NRG1: variants seen among roughly 807,000 people sequenced by gnomAD.
NRG1 encodes the protein neuregulin 1.
Under a neutral mutation model 63.8 loss-of-function variants are expected in NRG1, and 18 were observed. The ratio of observed to expected loss-of-function variants is 0.28; its 90% CI spans 0.19 to 0.42. NRG1 has a LOEUF of 0.42. Ranked by LOEUF, NRG1 falls within the 10% of genes least tolerant of loss-of-function variation. The pLI is 1.00. For synonymous variants in NRG1, 302 were observed against 301.3 expected, an observed-to-expected ratio of 1.00 and a Z score of -0.02; for missense variants, 762 against 814.7, an observed-to-expected ratio of 0.94 and a Z score of 0.79.
At chr8:32,445,044 A>C (rs1304171813) in intron 1 of NRG1, among the ~76,000 whole-genome samples, 3 of 152,196 alleles carry the variant, frequency 2.0e-5, no homozygotes, top group Non-Finnish European at 2.9e-5. Flanking sequence ...AGGCAATACC[A>C]AGATTGATCA....
intron 1 of NRG1, among the ~76,000 whole-genome samples, chr8:32,309,708 T>C (rs1856606667): frequency 6.6e-6 from 1 of 152,228 alleles, no homozygotes; most frequent in Non-Finnish European, 1.5e-5. Flanking sequence ...TATTGTTGCA[T>C]CATTTCTGTC....
chr8:31,956,040 CA>C (rs11386219), intron 1 of NRG1, among the ~76,000 whole-genome samples: 16 of 128,096 alleles, frequency 1.2e-4, no homozygotes, highest in East Asian at 2.2e-4. Flanking sequence ...GAACCTGTCT[CA>C]AAAAAAAAAA....
intron 1 of NRG1, among the ~76,000 whole-genome samples, chr8:32,357,627 T>C (rs1374083299): frequency 6.6e-6 from 1 of 152,214 alleles, no homozygotes; most frequent in African/African-American, 2.4e-5. Flanking sequence ...CTCCTCCTCC[T>C]TTCTCTAAAG....
chr8:32,770,756 G>A (rs747457765), downstream of NRG1, among the ~76,000 whole-genome samples: 23 of 152,162 alleles, frequency 1.5e-4, no homozygotes, highest in Non-Finnish European at 3.1e-4. Context: ...CTGACTGTGG[G>A]CAGCTTCCTC....
At chr8:31,816,980 C>A (rs916852962) in intron 1 of NRG1, among the ~76,000 whole-genome samples, 1 of 152,010 alleles carries the variant, frequency 6.6e-6, no homozygotes, top group Non-Finnish European at 1.5e-5. Flanking sequence ...TGTCATTGTT[C>A]AAACAATATT....
intron 5 of NRG1, among the ~76,000 whole-genome samples, chr8:32,694,432 G>T (rs1018823461): frequency 1.1e-4 from 16 of 152,194 alleles, no homozygotes; most frequent in African/African-American, 3.4e-4. Flanking sequence ...AGTCTCGTGA[G>T]GTGCTTCATT....
Position 31,755,445 on chromosome 8 carries a change from C to T in NRG1, c.37+116014C>T, listed in dbSNP as rs570776555. On this transcript the variant is annotated intron_variant, in intron 1 of 10. Transcript: ENST00000519301. ...GTTTACTGTACTGTGCTGTCTCCAT[C>T]CCATTGTACATTACTCATTTGTAAT... 1.9e-3 allele frequency among the ~76,000 whole-genome samples: 288 copies of T among 152,208 alleles called. 1 individual carries two copies. The highest frequency in any genetic ancestry group is 3.5e-3 in the Non-Finnish European group (235 of 68,000).
chr8:32,752,720 T>C (rs1828973956), intron 7 of NRG1, among the ~76,000 whole-genome samples: 1 of 152,220 alleles, frequency 6.6e-6, no homozygotes, highest in African/African-American at 2.4e-5. Context: ...ATTCTGTCAG[T>C]CTGTCTGTCC....
intron 1 of NRG1, among the ~76,000 whole-genome samples, chr8:32,581,953 A>T (rs1840717164): frequency 6.6e-6 from 1 of 152,082 alleles, no homozygotes; most frequent in Admixed American, 6.6e-5. Flanking sequence ...GTGCTTTGTA[A>T]ACAGTAGGCT....
At chr8:32,455,066 A>G (rs571216603) in intron 1 of NRG1, among the ~76,000 whole-genome samples, 160 of 152,298 alleles carry the variant, frequency 1.1e-3, no homozygotes, top group African/African-American at 3.4e-3. Context: ...AAGCTGTACC[A>G]TCTTGGTTCG....
intron 1 of NRG1, chr8:31,639,729 T>A (rs1452137050): frequency 7.3e-7 from 1 of 1,377,762 alleles, no homozygotes; most frequent in African/African-American, 1.5e-5. Flanking sequence ...GGCAGCGGTT[T>A]TTTTGCCTTT....
chr8:32,736,036 G>T (rs1429083234), intron 6 of NRG1, among the ~76,000 whole-genome samples: 2 of 151,756 alleles, frequency 1.3e-5, no homozygotes, highest in African/African-American at 4.8e-5. Flanking sequence ...GATATATACT[G>T]TCTGAACAGT....
intron 1 of NRG1, among the ~76,000 whole-genome samples, chr8:32,251,775 G>A (rs1279969785): frequency 5.9e-5 from 9 of 152,128 alleles, no homozygotes; most frequent in Admixed American, 5.9e-4. Flanking sequence ...TCTCATTGTG[G>A]TTTTGAGTTG....
chr8:32,182,183 C>T (rs896299926), intron 1 of NRG1, among the ~76,000 whole-genome samples: 1 of 151,996 alleles, frequency 6.6e-6, no homozygotes, highest in Non-Finnish European at 1.5e-5. Context: ...TGATAATAAG[C>T]ACAGAGAATC....
chr8:31,805,769 A>G (rs1822210007), intron 1 of NRG1, among the ~76,000 whole-genome samples: 1 of 143,350 alleles, frequency 7.0e-6, no homozygotes, highest in African/African-American at 2.6e-5. Flanking sequence ...CGGAGCTTGC[A>G]GTGAGCCGAG....
chr8:32,442,263 A>C (rs1249049972), intron 1 of NRG1, among the ~76,000 whole-genome samples: 1 of 152,158 alleles, frequency 6.6e-6, no homozygotes, highest in African/African-American at 2.4e-5. Context: ...TTCTGCTTAG[A>C]TTCAAAGACT....
chr8:32,576,495 A>T (rs1469295467), intron 1 of NRG1, among the ~76,000 whole-genome samples: 1 of 152,174 alleles, frequency 6.6e-6, no homozygotes, highest in East Asian at 1.9e-4. Context: ...TTCAGAAGTG[A>T]AATTAAGTCT....
At chr8:32,757,500 G>T (rs1227472567) in intron 9 of NRG1, among the ~76,000 whole-genome samples, 1 of 152,158 alleles carries the variant, frequency 6.6e-6, no homozygotes, top group Non-Finnish European at 1.5e-5. Context: ...TAAACTATCA[G>T]CAAGTCTTGT....
At position 31,737,424 on chromosome 8, in the gene NRG1, A is replaced by T. The variant is rs147631984; in HGVS notation, c.37+97993A>T. On this transcript the variant is annotated intron_variant, in intron 1 of 10. Coordinates refer to the NRG1 transcript ENST00000519301. ...CTGTGTTCTCTAGAGGTTCAGACCA[A>T]GAATTGCGTTTTGAAGACTGAGAGC... 3.9e-3 allele frequency among the ~76,000 whole-genome samples: 588 copies of T among 152,246 alleles called. 1 individual carries two copies. Among genetic ancestry groups the T allele is most frequent in the South Asian group, 0.019 (91 of 4,820 alleles).
Sources: allele counts gnomAD v4.1 joint callset (sites outside exome capture counted in the v4.1 genomes callset), GRCh38; gene constraint gnomAD v4.1.1; transcripts MANE v1.5; gene names NCBI Gene and HGNC (gene_info 2026-07-23, HGNC 2026-07-21).